The following PAX5 variants were observed in gnomAD, a reference collection of about 807,000 sequenced individuals.
PAX5 encodes paired box protein Pax-5.
A neutral mutation model predicts 43.7 loss-of-function variants in PAX5; 9 were observed. The observed-to-expected ratio is 0.21, with a 90% CI of 0.12 to 0.36. The LOEUF (loss-of-function observed/expected upper bound fraction) is 0.36, where lower values mean the gene tolerates loss of function less well. Among genes scored for constraint, PAX5 ranks in the 10% least tolerant of loss-of-function variants. PAX5 has a pLI of 1.00. For missense variants in PAX5, 383 were observed against 532.7 expected (o/e 0.72, Z 2.77); for synonymous variants, 228 against 214.3 (o/e 1.06, Z -0.56).
At chr9:36,973,566 A>G (rs1479939128) in intron 5 of PAX5, among the ~76,000 whole-genome samples, 3 of 152,186 alleles carry the variant, frequency 2.0e-5, no homozygotes, top group African/African-American at 4.8e-5. Flanking sequence ...CTAATTTGTA[A>G]CTTTAAAGGA....
intron 8 of PAX5, among the ~76,000 whole-genome samples, chr9:36,847,202 A>T (rs1224078101): frequency 2.0e-5 from 3 of 152,152 alleles, no homozygotes; most frequent in African/African-American, 7.2e-5. Context: ...CTGTGGCCCC[A>T]TGTGCCAGAT....
intron 6 of PAX5, among the ~76,000 whole-genome samples, chr9:36,928,637 A>G (rs1830852019): frequency 6.6e-6 from 1 of 152,192 alleles, no homozygotes; most frequent in Admixed American, 6.5e-5. Context: ...TTTGAACAAG[A>G]GCACTAAGTG....
intron 1 of PAX5, among the ~76,000 whole-genome samples, chr9:37,032,951 T>G (rs2132583615): frequency 6.6e-6 from 1 of 152,282 alleles, no homozygotes; most frequent in East Asian, 1.9e-4. Flanking sequence ...CCCACTGTGC[T>G]CTCCTCCACT....
At chr9:37,008,498 G>A (rs1213304005) in intron 3 of PAX5, among the ~76,000 whole-genome samples, 3 of 152,224 alleles carry the variant, frequency 2.0e-5, no homozygotes, top group African/African-American at 7.2e-5. Flanking sequence ...GACAGAAGTA[G>A]CAGGTGGGTG....
chr9:36,984,656 A>G (rs967360790), intron 5 of PAX5, among the ~76,000 whole-genome samples: 2 of 151,774 alleles, frequency 1.3e-5, no homozygotes, highest in East Asian at 1.9e-4. Context: ...GGGTTTCATC[A>G]TGTTGGCCAG....
chr9:36,878,312 C>A (rs1826104331), intron 8 of PAX5, among the ~76,000 whole-genome samples: 1 of 152,214 alleles, frequency 6.6e-6, no homozygotes, highest in African/African-American at 2.4e-5. Flanking sequence ...GTGTTAGGGG[C>A]CATGAAGGGT....
In PAX5 at chr9:36,892,076, G is replaced by A. The variant is rs150287297; in HGVS notation, c.911-9971C>T. Reference sequence around the variant, plus strand: ...ATGCACATGTATGACACCAGCCCCCGGAACCAGCAACTGTTGAGCCAACTT... The same window carrying A: ...ATGCACATGTATGACACCAGCCCCCAGAACCAGCAACTGTTGAGCCAACTT... On this transcript the variant is annotated intron_variant, in intron 7 of 9. Coordinates refer to ENST00000358127, the MANE Select transcript of PAX5 (RefSeq NM_016734.3). Among the ~76,000 whole-genome samples, 503 of 152,276 alleles carry A rather than the reference G, an allele frequency of 3.3e-3. 5 individuals carry two copies. Among genetic ancestry groups the A allele is most frequent in the African/African-American group, 0.01 (426 of 41,560 alleles).
At chr9:36,991,212 T>G (rs1280452877) in intron 5 of PAX5, among the ~76,000 whole-genome samples, 2 of 152,148 alleles carry the variant, frequency 1.3e-5, no homozygotes, top group African/African-American at 4.8e-5. Flanking sequence ...CATCTTCTAT[T>G]TTATGTAAGT....
chr9:36,997,623 C>T (rs1837499605), intron 5 of PAX5, among the ~76,000 whole-genome samples: 1 of 152,344 alleles, frequency 6.6e-6, no homozygotes, highest in Middle Eastern at 3.4e-3. Flanking sequence ...CTCCATTCCC[C>T]TCACCCAGCA....
chr9:36,850,200 C>T (rs962046039), intron 8 of PAX5, among the ~76,000 whole-genome samples: 4 of 152,168 alleles, frequency 2.6e-5, no homozygotes, highest in Non-Finnish European at 4.4e-5. Flanking sequence ...GCAGAGCAGG[C>T]GTGGGGCAAG....
chr9:37,020,293 G>A (rs560710789), intron 2 of PAX5, among the ~76,000 whole-genome samples: 2 of 152,246 alleles, frequency 1.3e-5, no homozygotes, highest in African/African-American at 4.8e-5. Context: ...ATTGAACTCT[G>A]GTTATGTGAT....
At chr9:37,026,973 C>T (rs557821463) in intron 1 of PAX5, among the ~76,000 whole-genome samples, 2 of 152,218 alleles carry the variant, frequency 1.3e-5, no homozygotes, top group Admixed American at 6.5e-5. Flanking sequence ...AGGAGGCCGC[C>T]GGAACAATCG....
In PAX5 at chr9:36,838,547, C is replaced by A. The variant is rs1212093263; in HGVS notation, c.*2013G>T. ...AGAGGAAGTCTGCTTTTTCTCCCTGCATGGTCCTGGCCTTCCCCAAGCTGG... is the reference window on the plus strand; with the variant it reads ...AGAGGAAGTCTGCTTTTTCTCCCTGAATGGTCCTGGCCTTCCCCAAGCTGG... On this transcript the variant is annotated 3_prime_UTR_variant, in exon 10 of 10. Transcript: ENST00000358127. 1.3e-5 allele frequency: 3 copies of A among 233,130 alleles called. No homozygotes were observed. Among genetic ancestry groups the A allele is most frequent in the Non-Finnish European group, 2.5e-5 (3 of 118,018 alleles). 14.4% of individuals were successfully genotyped at this position (233,130 alleles called of 1,614,324 possible).
At chr9:36,870,059 AATGG>A (rs10597401) in intron 8 of PAX5, among the ~76,000 whole-genome samples, 2,001 of 18,904 alleles carry the variant, frequency 0.11, 508 homozygotes, top group African/African-American at 0.29. Context: ...TGGATGGATA[AATGG>A]ATGGATGGAT....
At chr9:36,958,302 A>AAC (rs1263207669) in intron 6 of PAX5, among the ~76,000 whole-genome samples, 3 of 151,462 alleles carry the variant, frequency 2.0e-5, no homozygotes, top group African/African-American at 7.3e-5. Flanking sequence ...ATGTCAGGAA[A>AAC]AAAAAATGGC....
intron 8 of PAX5, among the ~76,000 whole-genome samples, chr9:36,869,700 G>C (rs534747699): frequency 5.0e-4 from 76 of 152,304 alleles, no homozygotes; most frequent in African/African-American, 1.8e-3. Context: ...AGGGTCATGA[G>C]TTTTGATCTT....
chr9:36,861,424 A>G (rs1159047672), intron 8 of PAX5: 1 of 149,280 alleles, frequency 6.7e-6, no homozygotes, highest in Non-Finnish European at 1.5e-5. Flanking sequence ...AGTAAACCAG[A>G]CAAGTAAAAA....
intron 1 of PAX5, chr9:37,026,547 A>G (rs775967722): frequency 4.8e-5 from 64 of 1,333,494 alleles, no homozygotes; most frequent in Non-Finnish European, 6.0e-5. Context: ...CATGGATGCA[A>G]ACGGGTCGTG....
chr9:36,899,848 C>A (rs1376160168), intron 7 of PAX5, among the ~76,000 whole-genome samples: 1 of 152,226 alleles, frequency 6.6e-6, no homozygotes, highest in Admixed American at 6.5e-5. Context: ...ACTGCCACAA[C>A]CCCCATCCCA....
Sources: allele counts gnomAD v4.1 joint callset (sites outside exome capture counted in the v4.1 genomes callset), GRCh38; gene constraint gnomAD v4.1.1; transcripts MANE v1.5; gene names NCBI Gene and HGNC (gene_info 2026-07-23, HGNC 2026-07-21).